Variants in KCNQ5 observed in about 807,000 individuals in gnomAD.
The protein encoded by KCNQ5 is potassium voltage-gated channel subfamily KQT member 5.
Under a neutral mutation model 98.2 loss-of-function variants are expected in KCNQ5, and 30 were observed. The observed-to-expected ratio is 0.31, with a 90% confidence interval of 0.23 to 0.41. The LOEUF (loss-of-function observed/expected upper bound fraction) is 0.41, where lower values mean the gene tolerates loss of function less well. Among genes scored for constraint, KCNQ5 ranks in the 10% least tolerant of loss-of-function variants. The pLI is 1.00. For missense variants in KCNQ5, 835 were observed against 1,182.5 expected, an observed-to-expected ratio of 0.71 and a Z score of 4.31; for synonymous variants, 458 against 449.4, an observed-to-expected ratio of 1.02 and a Z score of -0.24.
chr6:72,841,966 A>G (rs927594935), intron 1 of KCNQ5, among the ~76,000 whole-genome samples: 4 of 152,224 alleles, frequency 2.6e-5, no homozygotes. Context: ...CTTAATTGCT[A>G]TCACATTGTC....
At chr6:72,705,804 T>C (rs1438211163) in intron 1 of KCNQ5, among the ~76,000 whole-genome samples, 1 of 152,052 alleles carries the variant, frequency 6.6e-6, no homozygotes, top group Non-Finnish European at 1.5e-5. Context: ...GGTAATTTGT[T>C]GTATTGTTAT....
chr6:73,117,524 C>T (rs893965457), intron 7 of KCNQ5, among the ~76,000 whole-genome samples: 1 of 152,164 alleles, frequency 6.6e-6, no homozygotes, highest in African/African-American at 2.4e-5. Flanking sequence ...GCCTCTTTTG[C>T]CCCCAGTTCT....
At chr6:72,755,092 C>T (rs189965237) in intron 1 of KCNQ5, among the ~76,000 whole-genome samples, 1 of 151,940 alleles carries the variant, frequency 6.6e-6, no homozygotes, top group Admixed American at 6.6e-5. Flanking sequence ...TGTAATGTCT[C>T]TCTATTCCTG....
chr6:72,733,403 C>T (rs553249799), intron 1 of KCNQ5, among the ~76,000 whole-genome samples: 2 of 152,280 alleles, frequency 1.3e-5, no homozygotes, highest in African/African-American at 2.4e-5. Context: ...TGAGGAACAA[C>T]GCAAGGTAGC....
At chr6:72,665,341 CAAAAAA>C (rs57257881) in intron 1 of KCNQ5, among the ~76,000 whole-genome samples, 3 of 112,980 alleles carry the variant, frequency 2.7e-5, no homozygotes, top group African/African-American at 1.1e-4. Context: ...AATACCCTGT[CAAAAAA>C]AAAAAAAAAA....
intron 1 of KCNQ5, among the ~76,000 whole-genome samples, chr6:72,667,059 A>AT (rs879918705): frequency 2.9e-4 from 44 of 149,636 alleles, no homozygotes; most frequent in East Asian, 2.9e-3. Flanking sequence ...TAAATGAAAT[A>AT]TTTTTTTTTT....
intron 1 of KCNQ5, among the ~76,000 whole-genome samples, chr6:72,923,249 T>A (rs1357761013): frequency 6.6e-6 from 1 of 152,196 alleles, no homozygotes. Flanking sequence ...CCTTTAGAAA[T>A]AGAAGTAGAA....
intron 10 of KCNQ5, among the ~76,000 whole-genome samples, 166 bp from the exon 11 acceptor site, chr6:73,169,580 A>G (rs1777928908): frequency 6.6e-6 from 1 of 152,234 alleles, no homozygotes; most frequent in Non-Finnish European, 1.5e-5. Context: ...AGGCTGTAGA[A>G]AAAGAAGAAA....
chr6:72,652,931 C>A (rs549315903), intron 1 of KCNQ5, among the ~76,000 whole-genome samples: 1 of 152,122 alleles, frequency 6.6e-6, no homozygotes, highest in Admixed American at 6.6e-5. Flanking sequence ...TTTATATATA[C>A]GTATATAAAG....
chr6:72,824,362 G>T (rs548080921), intron 1 of KCNQ5, among the ~76,000 whole-genome samples: 1 of 152,110 alleles, frequency 6.6e-6, no homozygotes, highest in Non-Finnish European at 1.5e-5. Flanking sequence ...ACCTAAATTA[G>T]AAAATCGTTG....
At chr6:72,774,168 AG>A (rs1458732977) in intron 1 of KCNQ5, among the ~76,000 whole-genome samples, 1 of 152,208 alleles carries the variant, frequency 6.6e-6, no homozygotes, top group Non-Finnish European at 1.5e-5. Context: ...CTTCTAAAAT[AG>A]GGGTTGGCAA....
At chr6:73,106,885 A>T (rs1206990668) in intron 6 of KCNQ5, among the ~76,000 whole-genome samples, 2 of 152,096 alleles carry the variant, frequency 1.3e-5, no homozygotes, top group Non-Finnish European at 2.9e-5. Context: ...CATGAAGAGA[A>T]CTCTCAATAA....
At chr6:72,662,719 C>G (rs1371946665) in intron 1 of KCNQ5, among the ~76,000 whole-genome samples, 1 of 151,872 alleles carries the variant, frequency 6.6e-6, no homozygotes, top group Non-Finnish European at 1.5e-5. Context: ...CACTGTTCAT[C>G]TTTTTAGGAG....
Position 73,077,181 on chromosome 6 carries a change from G to A in KCNQ5, c.617-141G>A, listed in dbSNP as rs752237032. On this transcript the variant is annotated intron_variant, in intron 3 of 13. Transcript: ENST00000370398. ...TCTTCGGAAATGCCACAGAGGCCAA[G>A]TGGCACTAGGTGCAGCTGGGAATCA... 2.0e-5 allele frequency: 15 copies of A among 751,744 alleles called. 1 individual carries two copies. In the South Asian group the frequency reaches 2.7e-4, roughly 14 times the overall value. 46.6% of individuals were successfully genotyped at this position (751,744 alleles called of 1,614,324 possible).
At chr6:72,755,639 C>G (rs1177989641) in intron 1 of KCNQ5, among the ~76,000 whole-genome samples, 1 of 152,112 alleles carries the variant, frequency 6.6e-6, no homozygotes, top group Non-Finnish European at 1.5e-5. Context: ...TTACTCCTTT[C>G]CATTCTTTGT....
At chr6:73,137,447 AT>A (rs1776517712) in intron 10 of KCNQ5, among the ~76,000 whole-genome samples, 1 of 152,322 alleles carries the variant, frequency 6.6e-6, no homozygotes, top group African/African-American at 2.4e-5. Context: ...TATGAATCAT[AT>A]TTTTAACTGA....
intron 1 of KCNQ5, among the ~76,000 whole-genome samples, chr6:72,912,575 A>T (rs1779984354): frequency 6.6e-6 from 1 of 152,208 alleles, no homozygotes; most frequent in African/African-American, 2.4e-5. Context: ...CTTGGTGACC[A>T]TGGGCAAATT....
chr6:72,952,648 T>G (rs541114720), intron 1 of KCNQ5, among the ~76,000 whole-genome samples: 2 of 152,358 alleles, frequency 1.3e-5, no homozygotes, highest in Middle Eastern at 6.8e-3. Flanking sequence ...TTTTCTAGCT[T>G]AAGCTGAAGA....
chr6:73,087,645 C>T, intron 5 of KCNQ5, among the ~76,000 whole-genome samples: 1 of 151,894 alleles, frequency 6.6e-6, no homozygotes, highest in African/African-American at 2.4e-5. Context: ...AAGAAGAATA[C>T]AATTTTTAAA....
Sources: gnomAD v4.1 joint callset for allele counts (sites outside exome capture counted in the v4.1 genomes callset) on GRCh38, gnomAD v4.1.1 for gene constraint, MANE v1.5 for transcripts, NCBI Gene and HGNC (gene_info 2026-07-23, HGNC 2026-07-21) for gene names.